Variants in SLC35F1 observed in about 807,000 individuals in gnomAD.
SLC35F1 encodes the protein solute carrier family 35 member F1.
SLC35F1 carries 14 observed loss-of-function variants against 48.7 expected under a neutral mutation model. The ratio of observed to expected loss-of-function variants is 0.29; its 90% confidence interval spans 0.19 to 0.45. The LOEUF (loss-of-function observed/expected upper bound fraction) is 0.45, where lower values mean the gene tolerates loss of function less well. Ranked by LOEUF, SLC35F1 falls within the 20% of genes least tolerant of loss-of-function variation. SLC35F1 has a pLI of 1.00. For synonymous variants in SLC35F1, 190 were observed against 202.2 expected (o/e 0.94, Z 0.51); for missense variants, 404 against 500.0 (o/e 0.81, Z 1.83).
At chr6:117,928,676 G>A (rs1170992021) in intron 1 of SLC35F1, among the ~76,000 whole-genome samples, 1 of 152,146 alleles carries the variant, frequency 6.6e-6, no homozygotes, top group Non-Finnish European at 1.5e-5. Flanking sequence ...ACAGTGCACT[G>A]TGAGATTCCA....
chr6:118,285,460 T>A (rs1776038158), intron 7 of SLC35F1, 122 bp downstream of exon 7: 2 of 1,094,698 alleles, frequency 1.8e-6, no homozygotes, highest in African/African-American at 1.6e-5. Flanking sequence ...TAACTGGGTG[T>A]GCTAACCTCC....
chr6:118,098,679 A>G (rs985275184), intron 1 of SLC35F1, among the ~76,000 whole-genome samples: 6 of 152,034 alleles, frequency 3.9e-5, no homozygotes, highest in African/African-American at 9.7e-5. Context: ...ATTCTCTCCA[A>G]TGTATGTCTT....
rs77128876 is a variant in SLC35F1, at chr6:118,172,190, T to C, written c.349+17570T>C. On this transcript the variant is annotated intron_variant, in intron 2 of 7. Coordinates refer to ENST00000360388, the MANE Select transcript of SLC35F1 (RefSeq NM_001029858.4). The stretch of plus-strand genomic sequence containing the variant: ...AAAAAAAAAGACGATTCTTTTTGCT[T>C]AGAAAGCAGAGTATGAGGGATAACC... Among the ~76,000 whole-genome samples, 916 of 152,202 alleles carry C rather than the reference T, an allele frequency of 6.0e-3. 17 individuals are homozygous for C. The highest frequency in any genetic ancestry group is 0.021 in the African/African-American group (864 of 41,556).
At chr6:118,128,347 A>C (rs1482122066) in intron 1 of SLC35F1, among the ~76,000 whole-genome samples, 1 of 146,616 alleles carries the variant, frequency 6.8e-6, no homozygotes. Context: ...TGCTGCTATA[A>C]AGACACATGC....
rs1431734077 is a variant in SLC35F1 at position 118,277,548 on chromosome 6, T to G, written c.847+2T>G. ...AGGTGCCCTGGGACTGGCAAATAGG[T>G]AAGGAGTTGGCTCACATACGATGCT... On this transcript the variant is annotated splice_donor_variant, in intron 6 of 7. Coordinates refer to ENST00000360388, the MANE Select transcript of SLC35F1 (RefSeq NM_001029858.4). LOFTEE classifies it high-confidence loss of function. The G allele has an allele frequency of 6.2e-7, 1 of 1,613,382 alleles. No homozygotes were observed. The highest frequency in any genetic ancestry group is 8.5e-7 in the Non-Finnish European group (1 of 1,179,496).
intron 1 of SLC35F1, among the ~76,000 whole-genome samples, chr6:118,009,710 G>T (rs569437058): frequency 6.6e-6 from 1 of 152,198 alleles, no homozygotes; most frequent in South Asian, 2.1e-4. Context: ...TTTCTAGTGT[G>T]CTTGTAATTA....
intron 2 of SLC35F1, among the ~76,000 whole-genome samples, chr6:118,164,495 A>G (rs1774286546): frequency 6.6e-6 from 1 of 152,138 alleles, no homozygotes; most frequent in Non-Finnish European, 1.5e-5. Flanking sequence ...AGTCACCCTA[A>G]TGAGTATCTA....
At chr6:118,252,284 C>T (rs911378643) in intron 3 of SLC35F1, among the ~76,000 whole-genome samples, 2 of 152,016 alleles carry the variant, frequency 1.3e-5, no homozygotes, top group African/African-American at 4.8e-5. Context: ...TGACTTGAAG[C>T]CACTTGCTAA....
intron 1 of SLC35F1, among the ~76,000 whole-genome samples, chr6:118,052,643 A>G (rs1240088351): frequency 6.6e-6 from 1 of 152,186 alleles, no homozygotes; most frequent in African/African-American, 2.4e-5. Flanking sequence ...AAGTTTAAGG[A>G]AAAAGTGTGT....
rs1041161091 is a variant in SLC35F1 at position 117,970,038 on chromosome 6, G to A, written c.173+62139G>A. Among the ~76,000 whole-genome samples, 3 of 152,294 alleles carry A rather than the reference G, an allele frequency of 2.0e-5. 1 individual carries two copies. Among genetic ancestry groups the A allele is most frequent in the South Asian group, 4.1e-4 (2 of 4,822 alleles). ...TAAAATTTAACTTGTAAGGACAAAG[G>A]TGTCTGTTTTTAGGAAGTTCGTACA... On this transcript the variant is annotated intron_variant, in intron 1 of 7. Transcript: ENST00000360388.
intron 3 of SLC35F1, among the ~76,000 whole-genome samples, chr6:118,256,928 T>C (rs1186921213): frequency 1.3e-5 from 2 of 152,174 alleles, no homozygotes; most frequent in Non-Finnish European, 2.9e-5. Flanking sequence ...ATAACCATTG[T>C]TAACATTTTA....
chr6:118,298,809 A>T (rs1392617924), intron 7 of SLC35F1, among the ~76,000 whole-genome samples: 1 of 152,218 alleles, frequency 6.6e-6, no homozygotes, highest in African/African-American at 2.4e-5. Context: ...GTTGCTACCA[A>T]AAATTTGGCT....
intron 1 of SLC35F1, among the ~76,000 whole-genome samples, chr6:118,067,459 C>T (rs562532322): frequency 6.6e-6 from 1 of 152,034 alleles, no homozygotes; most frequent in Non-Finnish European, 1.5e-5. Context: ...GAACATACCA[C>T]AAGAAAGCCC....
At position 118,242,940 on chromosome 6, in the gene SLC35F1, C is replaced by T. The variant is rs1265070647; in HGVS notation, c.477+7304C>T. Reference sequence around the variant, plus strand: ...TGCATATTTCACAGCTCTTCAGATTCTTTAAGCAGTTTCCATCAGGAGTGA... The same window carrying T: ...TGCATATTTCACAGCTCTTCAGATTTTTTAAGCAGTTTCCATCAGGAGTGA... On this transcript the variant is annotated intron_variant, in intron 3 of 7. Coordinates refer to ENST00000360388, the MANE Select transcript of SLC35F1 (RefSeq NM_001029858.4). Among the ~76,000 whole-genome samples the T allele has an allele frequency of 3.9e-5, 6 of 152,190 alleles. No individual in the cohort carries two copies. In the South Asian group the frequency reaches 1.2e-3, roughly 31 times the overall value.
intron 3 of SLC35F1, among the ~76,000 whole-genome samples, chr6:118,249,309 C>A (rs946662405): frequency 1.3e-5 from 2 of 152,210 alleles, no homozygotes; most frequent in African/African-American, 4.8e-5. Context: ...AGAAAAGTAT[C>A]CTGCCCAGGA....
At chr6:118,180,930 TAAG>T (rs1774566417) in intron 2 of SLC35F1, among the ~76,000 whole-genome samples, 1 of 151,934 alleles carries the variant, frequency 6.6e-6, no homozygotes, top group African/African-American at 2.4e-5. Context: ...TGCAGAACCC[TAAG>T]GAGACAATCT....
At chr6:118,027,240 T>C (rs1041522349) in intron 1 of SLC35F1, among the ~76,000 whole-genome samples, 1 of 152,206 alleles carries the variant, frequency 6.6e-6, no homozygotes, top group African/African-American at 2.4e-5. Flanking sequence ...GTGTAAAAGC[T>C]GCTATAAACA....
chr6:118,266,887 C>CAGGGGAAAGGCAGAACCCTTT, intron 3 of SLC35F1, 108 bp from the exon 4 acceptor site: 1 of 1,226,802 alleles, frequency 8.2e-7, no homozygotes. Flanking sequence ...ATCTCAGGTT[C>CAGGGGAAAGGCAGAACCCTTT]AGGGGAAAGG....
At chr6:117,965,285 C>G (rs1179173189) in intron 1 of SLC35F1, among the ~76,000 whole-genome samples, 2 of 152,156 alleles carry the variant, frequency 1.3e-5, no homozygotes, top group Non-Finnish European at 2.9e-5. Context: ...TGCCACAAGT[C>G]CAGTGGCCTC....
Sources: gnomAD v4.1 joint callset for allele counts (sites outside exome capture counted in the v4.1 genomes callset) on GRCh38, gnomAD v4.1.1 for gene constraint, MANE v1.5 for transcripts, NCBI Gene and HGNC (gene_info 2026-07-23, HGNC 2026-07-21) for gene names.